Variants in RASEF observed in about 807,000 individuals in gnomAD.
RASEF encodes the protein RAS and EF-hand domain containing, also known as ras and EF-hand domain-containing protein.
Under a neutral mutation model 90.1 loss-of-function variants are expected in RASEF, and 68 were observed. The observed-to-expected ratio is 0.75, with a 90% CI of 0.62 to 0.92. The LOEUF (loss-of-function observed/expected upper bound fraction) is 0.92. RASEF is among the 40% of genes least tolerant of loss of function. RASEF has a pLI of 0.00. For missense variants in RASEF, 949 were observed against 937.2 expected (o/e 1.01, Z -0.16); for synonymous variants, 331 against 345.2 (o/e 0.96, Z 0.46).
rs1163531615 is a variant in RASEF at position 82,981,471 on chromosome 9, A to T, written c.*1206T>A. 3 of 152,234 alleles carry T rather than the reference A, an allele frequency of 2.0e-5. No individual in the cohort carries two copies. The South Asian group carries it at 6.2e-4, about 32-fold the overall frequency. The allele number at this position is 152,234 out of a possible 1,614,324, so 9.4% of individuals were successfully genotyped here. A position where few individuals can be genotyped will look rare whatever the true frequency, so the allele number is the denominator to read the frequency against. On this transcript the variant is annotated 3_prime_UTR_variant, in exon 17 of 17. Transcript: ENST00000376447. ...ATTACTTAAGGAAGTTAATGTTAGCAACCAGGGAGTTAGGGGACTTGCATT... is the reference window on the plus strand; with the variant it reads ...ATTACTTAAGGAAGTTAATGTTAGCTACCAGGGAGTTAGGGGACTTGCATT...
chr9:83,092,851 G>A, the RASEF span, among the ~76,000 whole-genome samples: 11 of 152,102 alleles, frequency 7.2e-5, no homozygotes, highest in African/African-American at 2.7e-4. Flanking sequence ...AGATTAGTTA[G>A]ATACAGAGTA....
At chr9:83,180,891 A>T in the RASEF span, among the ~76,000 whole-genome samples, 1 of 151,960 alleles carries the variant, frequency 6.6e-6, no homozygotes, top group Non-Finnish European at 1.5e-5. Flanking sequence ...ACGTTAAAAA[A>T]AATTAAAGTA....
rs559162340 is a variant in RASEF, at chr9:83,013,308, T to C, written c.766-797A>G. On this transcript the variant is annotated intron_variant, in intron 4 of 16. Coordinates refer to ENST00000376447, the MANE Select transcript of RASEF (RefSeq NM_152573.4). ...ATTCATTATTGGAATGTTTATGCACTGATCAAAATGGATCCCACATTTCAC... is the reference window on the plus strand; with the variant it reads ...ATTCATTATTGGAATGTTTATGCACCGATCAAAATGGATCCCACATTTCAC... 1.1e-4 allele frequency among the ~76,000 whole-genome samples: 17 copies of C among 152,348 alleles called. No individual in the cohort carries two copies. In the South Asian group the frequency reaches 3.1e-3, roughly 28 times the overall value.
At chr9:83,093,584 C>T in the RASEF span, among the ~76,000 whole-genome samples, 344 of 152,348 alleles carry the variant, frequency 2.3e-3, 2 homozygotes, top group African/African-American at 7.8e-3. Flanking sequence ...CTGGCCGAGC[C>T]GGTCGGCTGC....
chr9:83,133,053 G>A, the RASEF span, among the ~76,000 whole-genome samples: 1 of 152,080 alleles, frequency 6.6e-6, no homozygotes, highest in Non-Finnish European at 1.5e-5. Flanking sequence ...CAAACATTTC[G>A]ATGCACTGAA....
At chr9:83,215,611 T>C in the RASEF span, among the ~76,000 whole-genome samples, 2 of 152,198 alleles carry the variant, frequency 1.3e-5, no homozygotes, top group Admixed American at 6.5e-5. Flanking sequence ...TCTTTATAAA[T>C]TACCCAGTCT....
chr9:83,042,809 T>G (rs1829864850), intron 1 of RASEF, among the ~76,000 whole-genome samples: 1 of 152,334 alleles, frequency 6.6e-6, no homozygotes, highest in African/African-American at 2.4e-5. Context: ...AACAGTGCTT[T>G]TAAAACACAA....
At chr9:83,045,091 A>T (rs999901367) in intron 1 of RASEF, among the ~76,000 whole-genome samples, 1 of 152,118 alleles carries the variant, frequency 6.6e-6, no homozygotes, top group Admixed American at 6.5e-5. Flanking sequence ...ATATATCTCA[A>T]TCTCTCTCTT....
the RASEF span, among the ~76,000 whole-genome samples, chr9:83,187,089 T>C: frequency 6.6e-6 from 1 of 152,114 alleles, no homozygotes; most frequent in African/African-American, 2.4e-5. Context: ...GCCCCTCAGA[T>C]TACTCAAACT....
chr9:83,172,622 A>G, the RASEF span, among the ~76,000 whole-genome samples: 1 of 151,910 alleles, frequency 6.6e-6, no homozygotes, highest in Non-Finnish European at 1.5e-5. Context: ...CACAATGAAA[A>G]GAAACAAATA....
the RASEF span, among the ~76,000 whole-genome samples, chr9:83,191,143 T>G: frequency 2.6e-5 from 4 of 152,206 alleles, no homozygotes; most frequent in African/African-American, 9.6e-5. Context: ...TGTAGTCTAA[T>G]GAGAGACTAT....
chr9:82,996,946 A>T, intron 14 of RASEF, 66 bp downstream of exon 14: 1 of 890,290 alleles, frequency 1.1e-6, no homozygotes, highest in Non-Finnish European at 1.9e-6. Flanking sequence ...GAAGAGAGAC[A>T]GCATTTTCCA....
At chr9:83,016,020 G>C (rs1463437179) in intron 3 of RASEF, 120 bp from the exon 4 acceptor site, 1 of 706,238 alleles carries the variant, frequency 1.4e-6, no homozygotes, top group Non-Finnish European at 2.4e-6. Flanking sequence ...CCTACACAGG[G>C]AAGGTGAGAA....
At chr9:83,102,169 T>G in the RASEF span, among the ~76,000 whole-genome samples, 2 of 152,174 alleles carry the variant, frequency 1.3e-5, no homozygotes, top group African/African-American at 4.8e-5. Context: ...CCTGCGCCTG[T>G]GGGTTCAAGA....
At chr9:82,998,330 C>T in intron 13 of RASEF, 35 bp downstream of exon 13, 3 of 1,413,274 alleles carry the variant, frequency 2.1e-6, no homozygotes, top group Non-Finnish European at 2.0e-6. Context: ...TAATGCAAAC[C>T]CAGGATATCC....
chr9:83,088,766 T>A, the RASEF span, among the ~76,000 whole-genome samples: 1 of 152,074 alleles, frequency 6.6e-6, no homozygotes, highest in Non-Finnish European at 1.5e-5. Context: ...AGTGTTTGCA[T>A]GGTATATCTT....
At chr9:83,100,759 A>G in the RASEF span, among the ~76,000 whole-genome samples, 4 of 152,152 alleles carry the variant, frequency 2.6e-5, no homozygotes, top group African/African-American at 9.7e-5. Context: ...CTTCTGACAC[A>G]GGGAAGAGAG....
At chr9:83,002,204 T>A (rs1280357159) in intron 9 of RASEF, among the ~76,000 whole-genome samples, 1 of 152,186 alleles carries the variant, frequency 6.6e-6, no homozygotes, top group African/African-American at 2.4e-5. Context: ...TCTTCAGATA[T>A]GAGAAACAAG....
chr9:83,009,150 A>G (rs769714588), intron 6 of RASEF, among the ~76,000 whole-genome samples: 47 of 151,910 alleles, frequency 3.1e-4, no homozygotes, highest in African/African-American at 4.3e-4. Context: ...ACACATATCT[A>G]TGCATTTTAT....
Sources: allele counts gnomAD v4.1 joint callset (sites outside exome capture counted in the v4.1 genomes callset), GRCh38; gene constraint gnomAD v4.1.1; transcripts MANE v1.5; gene names NCBI Gene and HGNC (gene_info 2026-07-23, HGNC 2026-07-21).